CHAF1A: variants seen among roughly 807,000 people sequenced by gnomAD.
CHAF1A encodes the protein chromatin assembly factor 1 subunit A.
Under a neutral mutation model 93.2 loss-of-function variants are expected in CHAF1A, and 5 were observed. The ratio of observed to expected loss-of-function variants is 0.05; its 90% CI spans 0.03 to 0.11. The LOEUF (loss-of-function observed/expected upper bound fraction) is 0.11. Ranked by LOEUF, CHAF1A falls within the 10% of genes least tolerant of loss-of-function variation. The pLI is 1.00. For missense variants in CHAF1A, 1,102 were observed against 1,259.9 expected, an observed-to-expected ratio of 0.87 and a Z score of 1.90; for synonymous variants, 504 against 510.3, an observed-to-expected ratio of 0.99 and a Z score of 0.17.
intron 13 of CHAF1A, 84 bp from the exon 14 acceptor site, chr19:4,442,161 C>G: frequency 1.8e-6 from 2 of 1,094,050 alleles, no homozygotes; most frequent in Admixed American, 1.7e-5. Context: ...AGGTGTCACA[C>G]CTGTGGAGTT....
chr19:4,411,642 A>ATATTTTTTTTTTTTTT, intron 3 of CHAF1A, among the ~76,000 whole-genome samples: 1 of 38,080 alleles, frequency 2.6e-5, no homozygotes, highest in African/African-American at 9.4e-5. Flanking sequence ...AATGGTGCAA[A>ATATTTTTTTTTTTTTT]TCTTTTTTTT....
chr19:4,427,630 C>T (rs1463897545), intron 7 of CHAF1A, among the ~76,000 whole-genome samples: 1 of 151,824 alleles, frequency 6.6e-6, no homozygotes, highest in Non-Finnish European at 1.5e-5. Flanking sequence ...CTCTATCCCC[C>T]AGGCTGGAGT....
intron 3 of CHAF1A, among the ~76,000 whole-genome samples, chr19:4,410,153 G>A (rs183584194): frequency 6.6e-6 from 1 of 152,188 alleles, no homozygotes; most frequent in Non-Finnish European, 1.5e-5. Flanking sequence ...ATGTAGGGAC[G>A]GGGCTGCAAA....
downstream of CHAF1A, chr19:4,445,876 A>T: frequency 2.6e-6 from 3 of 1,158,200 alleles, no homozygotes; most frequent in South Asian, 3.1e-5. Flanking sequence ...GTAGTTATGA[A>T]CTTGCTCGAG....
rs532867693 is a variant in CHAF1A, at chr19:4,440,687, A to G, written c.2674-1558A>G. On this transcript the variant is annotated intron_variant, in intron 13 of 14. Transcript: ENST00000301280. ...GCTAGGTTGCTCTTACACATCCTAG[A>G]TGGACAGCCTGCCACACGCCTGGGC... 7.9e-5 allele frequency among the ~76,000 whole-genome samples: 12 copies of G among 152,122 alleles called. No individual in the cohort carries two copies. The South Asian group carries it at 2.1e-3, about 26-fold the overall frequency.
At chr19:4,423,196 G>C in intron 5 of CHAF1A, 139 bp from the exon 6 acceptor site, 1 of 1,267,860 alleles carries the variant, frequency 7.9e-7, no homozygotes, top group Non-Finnish European at 1.1e-6. Flanking sequence ...CTATGTAAAA[G>C]CCTTATACTA....
chr19:4,433,209 G>A lies in CHAF1A; in HGVS notation c.2343G>A (p.Leu781=). 1 of 1,614,006 alleles carries A rather than the reference G, an allele frequency of 6.2e-7. No homozygotes were observed. The highest frequency in any genetic ancestry group is 1.3e-5 in the African/African-American group (1 of 75,028). ...CGCGGAGCCCCTCCACCACCTACCTGCACACCCCCACCCCCAGCGAGGATG... is the reference window on the plus strand; with the variant it reads ...CGCGGAGCCCCTCCACCACCTACCTACACACCCCCACCCCCAGCGAGGATG... The part of the protein sequence containing the change: ...GSPRSPSTTY[L]HTPTPSEDAA... The change falls in exon 13 of 15, where the codon CTG becomes CTA. Residue 781 remains leucine (L), a synonymous_variant. Coordinates refer to ENST00000301280, the MANE Select transcript of CHAF1A (RefSeq NM_005483.3). This position sits in a 1 kb window ranked among gnomAD's most constrained non-coding sequence, Gnocchi z 5.6.
chr19:4,412,547 GAA>G (rs959032977), intron 3 of CHAF1A, among the ~76,000 whole-genome samples: 1 of 143,896 alleles, frequency 6.9e-6, no homozygotes. Context: ...TCCGTCTCAA[GAA>G]AAAAAAAAAG....
downstream of CHAF1A, among the ~76,000 whole-genome samples, chr19:4,443,590 C>G (rs1320567269): frequency 1.3e-5 from 2 of 152,184 alleles, no homozygotes; most frequent in East Asian, 3.9e-4. Context: ...TCCGCACGTG[C>G]TTCTGTCCGG....
rs1328628504 is a variant in CHAF1A, at chr19:4,422,157, C to A, written c.1018-409C>A. On this transcript the variant is annotated intron_variant, in intron 4 of 14. Transcript: ENST00000301280. The surrounding 1 kb of genome is among the most constrained non-coding windows in gnomAD (Gnocchi z 4.6). ...CCCCAGTAGCTGGGATTACAGGCGC[C>A]CACCATGCCTGGCTAGTTTTTTTTA... Among the ~76,000 whole-genome samples, 1 of 152,042 alleles carries A rather than the reference C, an allele frequency of 6.6e-6. No homozygotes were observed. The highest frequency in any genetic ancestry group is 1.5e-5 in the Non-Finnish European group (1 of 68,010).
At chr19:4,417,944 C>A in intron 3 of CHAF1A, 76 bp from the exon 4 acceptor site, 1 of 1,036,742 alleles carries the variant, frequency 9.6e-7, no homozygotes, top group Non-Finnish European at 1.5e-6. Context: ...AAAAACTGAT[C>A]ACCTGGAAAG....
In CHAF1A at chr19:4,430,725, C is replaced by T. The variant is rs144205647; in HGVS notation, c.1947+84C>T. The stretch of plus-strand genomic sequence containing the variant: ...TCAGTGGCCTGACCTGGGAGGGTGA[C>T]GGGGGTCCCAGCCCAACCATACGAG... On this transcript the variant is annotated intron_variant, in intron 11 of 14. Coordinates refer to ENST00000301280, the MANE Select transcript of CHAF1A (RefSeq NM_005483.3). The T allele has an allele frequency of 2.0e-3, 2,825 of 1,431,458 alleles. 12 individuals are homozygous for T. Among genetic ancestry groups the T allele is most frequent in the Non-Finnish European group, 2.3e-3 (2,311 of 1,023,016 alleles). 88.7% of individuals were successfully genotyped at this position (1,431,458 alleles called of 1,614,324 possible). A position where few individuals can be genotyped will look rare whatever the true frequency, so the allele number is the denominator to read the frequency against.
Position 4,422,559 on chromosome 19 carries a change from C to T in CHAF1A, c.1018-7C>T. ...GGCCACCTGTCACTTGCCACACTGT[C>T]TTGTAGGATCAGGAGCGTCTGGGCA... is the stretch of plus-strand genomic sequence containing the variant. On this transcript the variant is annotated splice_region_variant and splice_polypyrimidine_tract_variant and intron_variant, in intron 4 of 14. Coordinates refer to ENST00000301280, the MANE Select transcript of CHAF1A (RefSeq NM_005483.3). The surrounding 1 kb of genome is among the most constrained non-coding windows in gnomAD (Gnocchi z 4.6). 1.3e-6 allele frequency: 2 copies of T among 1,560,240 alleles called. No individual in the cohort carries two copies. The highest frequency in any genetic ancestry group is 1.7e-6 in the Non-Finnish European group (2 of 1,151,694).
intron 13 of CHAF1A, among the ~76,000 whole-genome samples, chr19:4,438,354 T>TTTTTGTTTTGTTTTGTTTTG (rs139248002): frequency 6.6e-6 from 1 of 150,770 alleles, no homozygotes; most frequent in Non-Finnish European, 1.5e-5. Flanking sequence ...AGAAGAGGTT[T>TTTTTGTTTTGTTTTGTTTTG]TTTTGTTTTG....
Position 4,431,934 on chromosome 19 carries a change from T to G in CHAF1A, c.1948-18T>G. 2 of 1,585,224 alleles carry G rather than the reference T, an allele frequency of 1.3e-6. No homozygotes were observed. The highest frequency in any genetic ancestry group is 1.7e-6 in the Non-Finnish European group (2 of 1,160,826). The stretch of plus-strand genomic sequence containing the variant: ...GGAGCAAGAACCCCAAATAAACTTC[T>G]GCTTTCTAAACCACAAGGAGTGTGC... On this transcript the variant is annotated intron_variant, in intron 11 of 14. Coordinates refer to ENST00000301280, the MANE Select transcript of CHAF1A (RefSeq NM_005483.3).
chr19:4,436,731 T>C (rs1377040697), intron 13 of CHAF1A, among the ~76,000 whole-genome samples: 3 of 152,138 alleles, frequency 2.0e-5, no homozygotes, highest in African/African-American at 7.2e-5. Context: ...GACGGCCTCC[T>C]TCCCCACCCC....
At chr19:4,443,922 C>T (rs1372790277), downstream of CHAF1A, among the ~76,000 whole-genome samples, 1 of 152,206 alleles carries the variant, frequency 6.6e-6, no homozygotes, top group African/African-American at 2.4e-5. Context: ...AGCCACACCC[C>T]ACCTGAAGTC....
At chr19:4,434,595 G>A (rs1013504325) in intron 13 of CHAF1A, among the ~76,000 whole-genome samples, 6 of 152,106 alleles carry the variant, frequency 3.9e-5, no homozygotes, top group African/African-American at 9.6e-5. Flanking sequence ...GAATCGCATC[G>A]TGTGTGGCTC....
intron 14 of CHAF1A, 138 bp from the exon 15 acceptor site, chr19:4,442,787 C>T (rs961863469): frequency 1.3e-5 from 8 of 630,818 alleles, no homozygotes; most frequent in South Asian, 2.1e-5. Context: ...ACGCCCCAGC[C>T]TCTGCCTGTC....
Sources: gnomAD v4.1 joint callset for allele counts (sites outside exome capture counted in the v4.1 genomes callset) on GRCh38, gnomAD v4.1.1 for gene constraint, Gnocchi (gnomAD v3.1) non-coding constraint, MANE v1.5 for transcripts, NCBI Gene and HGNC (gene_info 2026-07-23, HGNC 2026-07-21) for gene names.